CAST: variants seen among roughly 807,000 people sequenced by gnomAD.
The protein encoded by CAST is MIR583 host.
CAST carries 76 observed loss-of-function variants against 119.6 expected under a neutral mutation model. The observed-to-expected ratio is 0.64, with a 90% CI of 0.53 to 0.77. The LOEUF is 0.77. Ranked by LOEUF, CAST falls within the 30% of genes least tolerant of loss-of-function variation. CAST has a pLI of 0.00. For missense variants in CAST, 953 were observed against 946.5 expected (o/e 1.01, Z -0.09); for synonymous variants, 319 against 331.6 (o/e 0.96, Z 0.41).
chr5:96,715,911 A>G (rs1256487331), intron 3 of CAST, among the ~76,000 whole-genome samples: 1 of 152,232 alleles, frequency 6.6e-6, no homozygotes, highest in African/African-American at 2.4e-5. Flanking sequence ...GCTGAACTTC[A>G]TTCATAGATG....
chr5:96,020,018 T>C, the CAST span, among the ~76,000 whole-genome samples: 2 of 152,230 alleles, frequency 1.3e-5, no homozygotes, highest in Non-Finnish European at 2.9e-5. Context: ...TTTTTTTCTA[T>C]ATATATGTTT....
the CAST span, among the ~76,000 whole-genome samples, chr5:96,187,966 A>C: frequency 6.6e-6 from 1 of 152,186 alleles, no homozygotes; most frequent in Non-Finnish European, 1.5e-5. Flanking sequence ...AGGGGACTTC[A>C]CATGCCTTTG....
chr5:96,001,001 T>C, the CAST span, among the ~76,000 whole-genome samples: 70 of 152,148 alleles, frequency 4.6e-4, no homozygotes, highest in Non-Finnish European at 7.8e-4. Flanking sequence ...TGGATGAACA[T>C]TGGATTAGAA....
chr5:96,039,217 G>T, the CAST span, among the ~76,000 whole-genome samples: 1 of 152,020 alleles, frequency 6.6e-6, no homozygotes, highest in Non-Finnish European at 1.5e-5. Flanking sequence ...TTTTGATGGG[G>T]TTGTTTGCTT....
chr5:96,767,027 T>C (rs1032324928), intron 27 of CAST, among the ~76,000 whole-genome samples: 3 of 152,202 alleles, frequency 2.0e-5, no homozygotes, highest in African/African-American at 4.8e-5. Context: ...CTTTGGGAAA[T>C]TTATTATTTA....
At chr5:96,362,983 C>T in the CAST span, among the ~76,000 whole-genome samples, 1 of 151,924 alleles carries the variant, frequency 6.6e-6, no homozygotes, top group African/African-American at 2.4e-5. Context: ...ACATTTAAGT[C>T]TTTAATCCAT....
the CAST span, among the ~76,000 whole-genome samples, chr5:96,000,470 G>T: frequency 6.6e-6 from 1 of 152,102 alleles, no homozygotes; most frequent in Non-Finnish European, 1.5e-5. Flanking sequence ...TTATCCAGTT[G>T]CCCACATTTG....
the CAST span, among the ~76,000 whole-genome samples, chr5:96,113,047 G>C: frequency 3.3e-4 from 50 of 152,284 alleles, 1 homozygote; most frequent in Admixed American, 7.8e-4. Flanking sequence ...ATAGATGGTT[G>C]ATCCCATCTA....
At chr5:96,656,393 C>A (rs950860656) in intron 1 of CAST, among the ~76,000 whole-genome samples, 1 of 152,148 alleles carries the variant, frequency 6.6e-6, no homozygotes, top group Admixed American at 6.5e-5. Context: ...CTTTTGAGTG[C>A]AACTGGGCCT....
the CAST span, among the ~76,000 whole-genome samples, chr5:96,000,582 G>A: frequency 4.0e-4 from 61 of 152,226 alleles, no homozygotes; most frequent in South Asian, 4.4e-3. Context: ...GTCAAGGGAG[G>A]TATATGTCCA....
the CAST span, among the ~76,000 whole-genome samples, chr5:96,098,497 G>A: frequency 1.6e-4 from 24 of 152,252 alleles, no homozygotes; most frequent in African/African-American, 5.5e-4. Context: ...GTTAATTTTT[G>A]TATGTGGTGT....
intron 1 of CAST, among the ~76,000 whole-genome samples, chr5:96,627,690 A>G (rs1020178046): frequency 2.6e-5 from 4 of 152,228 alleles, no homozygotes; most frequent in Admixed American, 1.3e-4. Flanking sequence ...AGAAATATAA[A>G]TGTCTTTACA....
chr5:96,600,650 TC>T (rs1357341085), intron 1 of CAST, among the ~76,000 whole-genome samples: 8 of 152,246 alleles, frequency 5.3e-5, no homozygotes, highest in African/African-American at 1.4e-4. Context: ...GCTCTATGTG[TC>T]CCTGTTTTCC....
upstream of CAST, among the ~76,000 whole-genome samples, chr5:96,522,690 A>T (rs530286767): frequency 1.3e-5 from 2 of 152,272 alleles, no homozygotes; most frequent in African/African-American, 4.8e-5. Context: ...AAAACTTTCC[A>T]TTCCATTCGC....
the CAST span, among the ~76,000 whole-genome samples, chr5:96,430,698 T>C: frequency 6.6e-6 from 1 of 152,232 alleles, no homozygotes; most frequent in African/African-American, 2.4e-5. Flanking sequence ...CAAAGAATTA[T>C]TATTCTAATA....
At chr5:96,058,697 T>C in the CAST span, among the ~76,000 whole-genome samples, 1 of 152,116 alleles carries the variant, frequency 6.6e-6, no homozygotes, top group African/African-American at 2.4e-5. Flanking sequence ...ATGACTTGGC[T>C]GGTGCAACTT....
the CAST span, chr5:96,079,090 A>T: frequency 4.4e-6 from 2 of 458,818 alleles, no homozygotes; most frequent in Non-Finnish European, 9.0e-6. Flanking sequence ...ACTTAAAGTT[A>T]AAAAAAAACC....
the CAST span, among the ~76,000 whole-genome samples, chr5:95,987,276 T>A: frequency 1.3e-5 from 2 of 152,198 alleles, no homozygotes; most frequent in East Asian, 3.8e-4. Context: ...CAAAGGAGTG[T>A]GACCCTTTCT....
the CAST span, among the ~76,000 whole-genome samples, chr5:95,995,344 C>T: frequency 1.2e-4 from 19 of 152,140 alleles, 1 homozygote; most frequent in South Asian, 3.3e-3. Context: ...TGAGAAATTC[C>T]ATTGGTAAGA....
Sources: allele counts gnomAD v4.1 joint callset (sites outside exome capture counted in the v4.1 genomes callset), GRCh38; gene constraint gnomAD v4.1.1; transcripts MANE v1.5; gene names NCBI Gene and HGNC (gene_info 2026-07-23, HGNC 2026-07-21).